Variants in RANBP17 observed in about 807,000 individuals in gnomAD.
RANBP17 encodes RAN binding protein 17, also known as ran-binding protein 17.
In RANBP17, 158 loss-of-function variants were observed where a neutral mutation model predicts 141.2. That is an observed-to-expected ratio of 1.12 (90% CI 0.98 to 1.28). The LOEUF is 1.28. RANBP17 is among the 50% of genes most tolerant of loss of function. The probability of loss-of-function intolerance (pLI) is 0.00; values close to 1 mark genes in which losing one functional copy is unlikely to be tolerated. For missense variants in RANBP17, 1,438 were observed against 1,290.7 expected (o/e 1.11, Z -1.75); for synonymous variants, 430 against 450.0 (o/e 0.96, Z 0.56).
At chr5:170,899,855 A>G (rs1398829356) in intron 5 of RANBP17, among the ~76,000 whole-genome samples, 1 of 152,218 alleles carries the variant, frequency 6.6e-6, no homozygotes, top group Non-Finnish European at 1.5e-5. Flanking sequence ...TTTGCATCCC[A>G]GAGATAAAGC....
Position 170,990,845 on chromosome 5 carries a change from G to A in RANBP17, c.1710+22468G>A, listed in dbSNP as rs77002625. Among the ~76,000 whole-genome samples, 5 of 152,058 alleles carry A rather than the reference G, an allele frequency of 3.3e-5. No homozygotes were observed. In the East Asian group the frequency reaches 7.7e-4, roughly 24 times the overall value. ...AGAGGCAGTGATAAATGAAAGTAAT[G>A]TAGTAGTGGTCACTAAACTCCTCTG... On this transcript the variant is annotated intron_variant, in intron 14 of 27. Transcript: ENST00000523189.
At chr5:171,241,693 T>C (rs923026087) in intron 23 of RANBP17, among the ~76,000 whole-genome samples, 1 of 152,250 alleles carries the variant, frequency 6.6e-6, no homozygotes, top group Non-Finnish European at 1.5e-5. Context: ...ATCAAAGAGT[T>C]ACTTCACTAC....
At chr5:171,053,857 A>G (rs566425087) in intron 14 of RANBP17, among the ~76,000 whole-genome samples, 7 of 125,506 alleles carry the variant, frequency 5.6e-5, no homozygotes, top group African/African-American at 2.1e-4. Context: ...TTTTTCCTTC[A>G]AATCCTGTCA....
chr5:171,080,937 T>C (rs1785228040), intron 14 of RANBP17, among the ~76,000 whole-genome samples: 1 of 152,158 alleles, frequency 6.6e-6, no homozygotes, highest in Admixed American at 6.5e-5. Flanking sequence ...TGTGCCAAAC[T>C]TTTTCCTCAA....
At chr5:171,165,330 C>T (rs563368451) in intron 14 of RANBP17, among the ~76,000 whole-genome samples, 9 of 152,094 alleles carry the variant, frequency 5.9e-5, no homozygotes, top group Middle Eastern at 3.4e-3. Flanking sequence ...TACAGGTACA[C>T]GCCACGACGC....
chr5:171,219,416 C>A (rs1763420857), intron 21 of RANBP17, among the ~76,000 whole-genome samples: 1 of 152,074 alleles, frequency 6.6e-6, no homozygotes, highest in South Asian at 2.1e-4. Context: ...CTCTGTATTT[C>A]CTGAATTTGA....
chr5:171,076,130 C>T (rs1268025505), intron 14 of RANBP17, among the ~76,000 whole-genome samples: 4 of 152,158 alleles, frequency 2.6e-5, no homozygotes, highest in Admixed American at 2.6e-4. Context: ...GTTAATTTGA[C>T]TCTTGTGTGA....
At chr5:171,058,871 G>C (rs1475031390) in intron 14 of RANBP17, among the ~76,000 whole-genome samples, 1 of 149,592 alleles carries the variant, frequency 6.7e-6, no homozygotes. Flanking sequence ...GTGTGAGATG[G>C]TATCTCATTG....
At chr5:171,168,785 G>A (rs538871186) in intron 14 of RANBP17, among the ~76,000 whole-genome samples, 37 of 152,274 alleles carry the variant, frequency 2.4e-4, no homozygotes, top group Non-Finnish European at 5.1e-4. Context: ...GTAGGGCTCA[G>A]AAGTTAGTAG....
intron 12 of RANBP17, among the ~76,000 whole-genome samples, chr5:170,949,830 CA>C (rs138593192): frequency 0.011 from 1,643 of 152,162 alleles, 25 homozygotes; most frequent in African/African-American, 0.038. Flanking sequence ...AAGCTTCCAT[CA>C]ACTGAATGGG....
At chr5:170,866,412 C>T (rs1200831625) in intron 1 of RANBP17, among the ~76,000 whole-genome samples, 3 of 151,836 alleles carry the variant, frequency 2.0e-5, no homozygotes, top group Admixed American at 6.6e-5. Flanking sequence ...TGGTGGCTCA[C>T]GCCTGTAATC....
intron 14 of RANBP17, among the ~76,000 whole-genome samples, chr5:171,144,722 T>C (rs1757925112): frequency 6.6e-6 from 1 of 152,200 alleles, no homozygotes; most frequent in Admixed American, 6.5e-5. Context: ...TGACTATCTG[T>C]GAAATCCCTT....
chr5:171,191,612 C>G (rs996044553), intron 18 of RANBP17, among the ~76,000 whole-genome samples: 6 of 151,778 alleles, frequency 4.0e-5, no homozygotes, highest in Non-Finnish European at 8.8e-5. Flanking sequence ...GCGTGAACCC[C>G]GGAGGCGGAG....
chr5:171,166,574 CTG>C (rs1759714623), intron 14 of RANBP17, among the ~76,000 whole-genome samples: 1 of 151,974 alleles, frequency 6.6e-6, no homozygotes, highest in African/African-American at 2.4e-5. Context: ...ACTCTAAATA[CTG>C]TGTTAGAAGA....
Position 171,233,559 on chromosome 5 carries a change from A to G in RANBP17, c.2423-7369A>G, listed in dbSNP as rs1429733353. Among the ~76,000 whole-genome samples, 2 of 151,246 alleles carry G rather than the reference A, an allele frequency of 1.3e-5. 1 individual carries two copies. The highest frequency in any genetic ancestry group is 3.0e-5 in the Non-Finnish European group (2 of 67,740). ...AGACAATGGAATGTTATTCAGCACTAAAAAAAAATAAATAAAGCTAGAAAA... is the reference window on the plus strand; with the variant it reads ...AGACAATGGAATGTTATTCAGCACTGAAAAAAAATAAATAAAGCTAGAAAA... On this transcript the variant is annotated intron_variant, in intron 22 of 27. Transcript: ENST00000523189.
At chr5:171,097,960 A>G (rs904226307) in intron 14 of RANBP17, among the ~76,000 whole-genome samples, 4 of 152,102 alleles carry the variant, frequency 2.6e-5, no homozygotes, top group African/African-American at 9.7e-5. Flanking sequence ...TGCAAAGGAT[A>G]TGAACTCATC....
chr5:171,106,669 A>C (rs1467886142), intron 14 of RANBP17, among the ~76,000 whole-genome samples: 1 of 152,100 alleles, frequency 6.6e-6, no homozygotes, highest in African/African-American at 2.4e-5. Flanking sequence ...AACTTGGAAA[A>C]ATTTTTTCAA....
At chr5:171,148,492 G>A (rs993617509) in intron 14 of RANBP17, among the ~76,000 whole-genome samples, 4 of 152,032 alleles carry the variant, frequency 2.6e-5, no homozygotes, top group Non-Finnish European at 2.9e-5. Flanking sequence ...ACGAATTTTT[G>A]ATAGTATAAA....
At chr5:170,904,567 A>G (rs1273690383) in intron 5 of RANBP17, 1 of 152,182 alleles carries the variant, frequency 6.6e-6, no homozygotes, top group African/African-American at 2.4e-5. Flanking sequence ...TTTTCATATT[A>G]GGAAATATTT....
Sources: gnomAD v4.1 joint callset for allele counts (sites outside exome capture counted in the v4.1 genomes callset) on GRCh38, gnomAD v4.1.1 for gene constraint, MANE v1.5 for transcripts, NCBI Gene and HGNC (gene_info 2026-07-23, HGNC 2026-07-21) for gene names.